BCAT1: variants seen among roughly 807,000 people sequenced by gnomAD.
The protein encoded by BCAT1 is branched chain amino acid transaminase 1.
Under a neutral mutation model 52.4 loss-of-function variants are expected in BCAT1, and 48 were observed. The observed-to-expected ratio is 0.92, with a 90% confidence interval of 0.73 to 1.16. The LOEUF (loss-of-function observed/expected upper bound fraction) is 1.16. BCAT1 is among the 50% of genes most tolerant of loss of function. The pLI is 0.00. For missense variants in BCAT1, 451 were observed against 457.1 expected (o/e 0.99, Z 0.12); for synonymous variants, 167 against 161.3 (o/e 1.04, Z -0.27).
At chr12:24,875,208 C>T (rs879512690) in intron 5 of BCAT1, among the ~76,000 whole-genome samples, 1 of 152,154 alleles carries the variant, frequency 6.6e-6, no homozygotes, top group Admixed American at 6.5e-5. Context: ...AATGTAGCCA[C>T]CACGAAAACC....
In BCAT1 at chr12:24,832,805, T is replaced by C; in HGVS notation, c.962A>G (p.Glu321Gly). The change falls in exon 9 of 11, where the codon GAG (glutamate) becomes GGG (glycine). Residue 321 changes from glutamate (E) to glycine (G), a missense_variant. Coordinates refer to ENST00000261192, the MANE Select transcript of BCAT1 (RefSeq NM_005504.7). ...LTMDDLTTAL[E>G]GNRVREMFGS... ...AAACATCTCTCTCACTCTGTTCCCC[T>C]CCAGGGCTGTTGTCAAGTCATCCAT... is the stretch of plus-strand genomic sequence containing the variant. The C allele has an allele frequency of 6.2e-7, 1 of 1,612,234 alleles. No individual in the cohort carries two copies. Among genetic ancestry groups the C allele is most frequent in the Non-Finnish European group, 8.5e-7 (1 of 1,179,068 alleles).
intron 5 of BCAT1, among the ~76,000 whole-genome samples, chr12:24,853,649 T>C (rs1447988299): frequency 2.6e-5 from 4 of 152,144 alleles, no homozygotes; most frequent in South Asian, 2.1e-4. Context: ...ACAAGAGTAT[T>C]TTATTATATA....
chr12:24,898,712 C>T (rs1943020158), intron 2 of BCAT1, among the ~76,000 whole-genome samples: 1 of 151,524 alleles, frequency 6.6e-6, no homozygotes, highest in African/African-American at 2.4e-5. Context: ...AACAGGGTTT[C>T]ACCATGTTGG....
intron 1 of BCAT1, among the ~76,000 whole-genome samples, chr12:24,906,127 C>T (rs1444759892): frequency 6.6e-6 from 1 of 151,470 alleles, no homozygotes; most frequent in East Asian, 1.9e-4. Flanking sequence ...GAGGTTGAGG[C>T]TGCAGTGGGC....
chr12:24,901,247 G>A (rs1440537940), intron 2 of BCAT1, among the ~76,000 whole-genome samples: 1 of 152,170 alleles, frequency 6.6e-6, no homozygotes, highest in African/African-American at 2.4e-5. Flanking sequence ...GCAGCACTAG[G>A]CATAAAAAGA....
At chr12:24,847,633 G>A (rs1941387319) in intron 6 of BCAT1, among the ~76,000 whole-genome samples, 1 of 152,140 alleles carries the variant, frequency 6.6e-6, no homozygotes, top group African/African-American at 2.4e-5. Context: ...GAGAGAGAGT[G>A]ACAGAAAGCC....
chr12:24,895,096 T>C (rs560620758), intron 2 of BCAT1, among the ~76,000 whole-genome samples: 30 of 152,354 alleles, frequency 2.0e-4, no homozygotes, highest in Admixed American at 1.9e-3. Flanking sequence ...AAAGGAACTC[T>C]TATTTAAACA....
At chr12:24,925,860 G>A (rs554906002) in intron 1 of BCAT1, among the ~76,000 whole-genome samples, 9 of 152,346 alleles carry the variant, frequency 5.9e-5, no homozygotes, top group Middle Eastern at 3.4e-3. Context: ...CCGAGGTGCC[G>A]GGATTGCAGA....
chr12:24,890,073 C>T (rs1478822339), intron 3 of BCAT1, among the ~76,000 whole-genome samples: 5 of 152,284 alleles, frequency 3.3e-5, no homozygotes, highest in Non-Finnish European at 7.3e-5. Context: ...TTTGCAGTAT[C>T]CTTTATAATA....
chr12:24,877,298 C>T (rs1942375434), intron 5 of BCAT1, among the ~76,000 whole-genome samples: 1 of 152,218 alleles, frequency 6.6e-6, no homozygotes, highest in Non-Finnish European at 1.5e-5. Context: ...TGTTCCCTAT[C>T]TCTTTACCTG....
intron 5 of BCAT1, among the ~76,000 whole-genome samples, chr12:24,865,456 T>A (rs935389373): frequency 3.3e-5 from 5 of 152,234 alleles, no homozygotes. Flanking sequence ...GATATAACTA[T>A]AACATAAATT....
At position 24,813,657 on chromosome 12, in the gene BCAT1, A is replaced by G. The variant is rs190768035; in HGVS notation, c.*4351T>C. The G allele has an allele frequency of 6.6e-6, 1 of 152,198 alleles. No individual in the cohort carries two copies. The highest frequency in any genetic ancestry group is 1.9e-4 in the East Asian group (1 of 5,180). 9.4% of individuals were successfully genotyped at this position (152,198 alleles called of 1,614,324 possible). Reference sequence around the variant, plus strand: ...AAAGAAAGAGAAGGTAATTCACACCAGATGAGGAATGGTGTGAACACTAAC... The same window carrying G: ...AAAGAAAGAGAAGGTAATTCACACCGGATGAGGAATGGTGTGAACACTAAC... On this transcript the variant is annotated 3_prime_UTR_variant, in exon 11 of 11. Transcript: ENST00000261192.
intron 6 of BCAT1, among the ~76,000 whole-genome samples, chr12:24,847,442 A>G (rs1191178966): frequency 6.6e-6 from 1 of 152,246 alleles, no homozygotes; most frequent in Non-Finnish European, 1.5e-5. Flanking sequence ...GGACAAATCT[A>G]TAACGACATT....
In BCAT1 at chr12:24,816,208, C is replaced by G; in HGVS notation, c.*1800G>C. ...ATGGCTAAAAGTTTTGGAAAAGAAT[C>G]AAAGCCCATTTTCTATGTGTTGCTA... is the stretch of plus-strand genomic sequence containing the variant. On this transcript the variant is annotated 3_prime_UTR_variant, in exon 11 of 11. Transcript: ENST00000261192. The G allele has an allele frequency of 3.4e-6, 1 of 289,886 alleles. No individual in the cohort carries two copies. The highest frequency in any genetic ancestry group is 5.1e-5 in the Admixed American group (1 of 19,534). 18.0% of individuals were successfully genotyped at this position (289,886 alleles called of 1,614,324 possible).
At chr12:24,837,865 A>G (rs1412586561) in intron 7 of BCAT1, among the ~76,000 whole-genome samples, 1 of 152,218 alleles carries the variant, frequency 6.6e-6, no homozygotes, top group East Asian at 1.9e-4. Context: ...AAAAAAGAAG[A>G]CATTCAAGAA....
intron 1 of BCAT1, among the ~76,000 whole-genome samples, chr12:24,946,802 C>T (rs1397564764): frequency 6.6e-6 from 1 of 152,076 alleles, no homozygotes; most frequent in East Asian, 1.9e-4. Flanking sequence ...CAATTGTGAT[C>T]GAATGTTTTC....
chr12:24,941,288 G>A (rs1005189889), intron 1 of BCAT1, among the ~76,000 whole-genome samples: 1 of 152,108 alleles, frequency 6.6e-6, no homozygotes, highest in Non-Finnish European at 1.5e-5. Flanking sequence ...GTTTGGCAAT[G>A]GGCATTAAGC....
chr12:24,906,459 A>G (rs1273930217), intron 1 of BCAT1, among the ~76,000 whole-genome samples: 1 of 151,018 alleles, frequency 6.6e-6, no homozygotes, highest in East Asian at 2.0e-4. Flanking sequence ...AATCATTGGC[A>G]TAGAGGTGGT....
intron 5 of BCAT1, among the ~76,000 whole-genome samples, chr12:24,873,759 A>G (rs1236654283): frequency 3.3e-5 from 5 of 152,208 alleles, no homozygotes; most frequent in Admixed American, 6.5e-5. Flanking sequence ...TCAGTGCTCA[A>G]AAAGTTTCAG....
Sources: gnomAD v4.1 joint callset for allele counts (sites outside exome capture counted in the v4.1 genomes callset) on GRCh38, gnomAD v4.1.1 for gene constraint, MANE v1.5 for transcripts, NCBI Gene and HGNC (gene_info 2026-07-23, HGNC 2026-07-21) for gene names.